The following ARID3A variants were observed in gnomAD, a reference collection of about 807,000 sequenced individuals.
ARID3A encodes the protein AT-rich interaction domain 3A.
A neutral mutation model predicts 52.7 loss-of-function variants in ARID3A; 11 were observed. That is an observed-to-expected ratio of 0.21 (90% CI 0.13 to 0.35). The LOEUF (loss-of-function observed/expected upper bound fraction) is 0.35, where lower values mean the gene tolerates loss of function less well. Ranked by LOEUF, ARID3A falls within the 10% of genes least tolerant of loss-of-function variation. ARID3A has a pLI of 1.00. For synonymous variants in ARID3A, 404 were observed against 359.4 expected (o/e 1.12, Z -1.40); for missense variants, 721 against 838.5 (o/e 0.86, Z 1.73).
intron 3 of ARID3A, among the ~76,000 whole-genome samples, chr19:954,694 T>A (rs1210745104): frequency 1.3e-5 from 2 of 151,938 alleles, no homozygotes; most frequent in Non-Finnish European, 2.9e-5. Context: ...GGAGGTGATA[T>A]CGGTCCTGGG....
In ARID3A at chr19:941,919, C is replaced by T. The variant is rs1235923468; in HGVS notation, c.693+9177C>T. ...TGTGCGCACGTGTGCCCGTGACAGA[C>T]GACCTTCCTGTGTGCCTGAGCATTT... On this transcript the variant is annotated intron_variant, in intron 3 of 8. Transcript: ENST00000263620. The surrounding 1 kb of genome is among the most constrained non-coding windows in gnomAD (Gnocchi z 6.9). Among the ~76,000 whole-genome samples the T allele has an allele frequency of 2.6e-5, 4 of 152,020 alleles. No individual in the cohort carries two copies. Among genetic ancestry groups the T allele is most frequent in the African/African-American group, 4.8e-5 (2 of 41,374 alleles).
At position 972,419 on chromosome 19, in the gene ARID3A, G is replaced by A. The variant is rs573780031; in HGVS notation, c.*354G>A. On this transcript the variant is annotated 3_prime_UTR_variant, in exon 9 of 9. Transcript: ENST00000263620. ...GGCGTTCAGGCAGCCCTGATGGACC[G>A]AAGGCTCTGGTGTCTGGTTTGGCCC... 4.5e-4 allele frequency: 97 copies of A among 215,354 alleles called. No individual in the cohort carries two copies. The East Asian group carries it at 5.9e-3, about 13-fold the overall frequency. The allele number at this position is 215,354 out of a possible 1,614,324, so 13.3% of individuals were successfully genotyped here. A position where few individuals can be genotyped will look rare whatever the true frequency, so the allele number is the denominator to read the frequency against.
At chr19:963,058 G>A (rs2038076585) in intron 4 of ARID3A, among the ~76,000 whole-genome samples, 1 of 152,222 alleles carries the variant, frequency 6.6e-6, no homozygotes, top group South Asian at 2.1e-4. Context: ...AAGTGGCGGA[G>A]GGTGGTGGGA....
At chr19:967,045 G>C (rs899489256) in intron 7 of ARID3A, among the ~76,000 whole-genome samples, 177 bp downstream of exon 7, 2 of 151,824 alleles carry the variant, frequency 1.3e-5, no homozygotes, top group Admixed American at 1.3e-4. Context: ...ATCACTTGAG[G>C]TCAGGAGTTC....
Position 942,626 on chromosome 19 carries a change from G to A in ARID3A, c.693+9884G>A, listed in dbSNP as rs1376209604. On this transcript the variant is annotated intron_variant, in intron 3 of 8. Coordinates refer to ENST00000263620, the MANE Select transcript of ARID3A (RefSeq NM_005224.3). This position sits in a 1 kb window ranked among gnomAD's most constrained non-coding sequence, Gnocchi z 8.1. ...GGCTGGGGGTCCGTGGGCACAGGTG[G>A]GTGGGCAGGGAGTAGGTGGAGGCCG... Among the ~76,000 whole-genome samples, 2 of 152,202 alleles carry A rather than the reference G, an allele frequency of 1.3e-5. No individual in the cohort carries two copies. Among genetic ancestry groups the A allele is most frequent in the Non-Finnish European group, 1.5e-5 (1 of 68,038 alleles).
chr19:964,537 G>T lies in ARID3A; in HGVS notation c.950+106G>T, dbSNP rs1419463524. On this transcript the variant is annotated intron_variant, in intron 5 of 8. Coordinates refer to ENST00000263620, the MANE Select transcript of ARID3A (RefSeq NM_005224.3). This position sits in a 1 kb window ranked among gnomAD's most constrained non-coding sequence, Gnocchi z 5.7. Reference sequence around the variant, plus strand: ...GGTGGTGGGCAGCTGCAGAGGAGGGGGCAGTGGGCAGCCGCAAAGGGCACA... The same window carrying T: ...GGTGGTGGGCAGCTGCAGAGGAGGGTGCAGTGGGCAGCCGCAAAGGGCACA... The T allele has an allele frequency of 6.4e-6, 9 of 1,404,624 alleles. No individual in the cohort carries two copies. The highest frequency in any genetic ancestry group is 8.5e-6 in the Non-Finnish European group (9 of 1,052,762). The allele number at this position is 1,404,624 out of a possible 1,614,324, so 87.0% of individuals were successfully genotyped here.
At position 941,017 on chromosome 19, in the gene ARID3A, C is replaced by T. The variant is rs1377943348; in HGVS notation, c.693+8275C>T. Among the ~76,000 whole-genome samples the T allele has an allele frequency of 3.9e-5, 6 of 152,048 alleles. No homozygotes were observed. The highest frequency in any genetic ancestry group is 7.4e-5 in the Non-Finnish European group (5 of 67,990). On this transcript the variant is annotated intron_variant, in intron 3 of 8. Coordinates refer to ENST00000263620, the MANE Select transcript of ARID3A (RefSeq NM_005224.3). The surrounding 1 kb of genome is among the most constrained non-coding windows in gnomAD (Gnocchi z 6.9). The stretch of plus-strand genomic sequence containing the variant: ...CCGGAAGAGCCTTATCTGGCCCCTG[C>T]GCCACCGCCTGGCCGTCGGGTCACC...
intron 7 of ARID3A, among the ~76,000 whole-genome samples, chr19:967,712 CAG>C (rs1328641063): frequency 2.0e-5 from 3 of 152,162 alleles, no homozygotes; most frequent in Non-Finnish European, 4.4e-5. Flanking sequence ...GCGAGACAGA[CAG>C]AAAACAGAAC....
In ARID3A at chr19:929,363, G is replaced by GCGCC; in HGVS notation, c.-165_-164insGCCC. 7.7e-6 allele frequency: 2 copies of GCGCC among 259,262 alleles called. No individual in the cohort carries two copies. The highest frequency in any genetic ancestry group is 1.2e-4 in the South Asian group (1 of 8,340). The allele number at this position is 259,262 out of a possible 1,614,324, so 16.1% of individuals were successfully genotyped here. A position where few individuals can be genotyped will look rare whatever the true frequency, so the allele number is the denominator to read the frequency against. ...ATCAGCCTTCAGCTTGAGCCCGGCG[G>GCGCC]CCCCCGCCCCCGCCCCCTGCCACCC... On this transcript the variant is annotated 5_prime_UTR_variant, in exon 2 of 9. Transcript: ENST00000263620. The surrounding 1 kb of genome is among the most constrained non-coding windows in gnomAD (Gnocchi z 6.2).
At chr19:943,989 G>A (rs935041613) in intron 3 of ARID3A, among the ~76,000 whole-genome samples, 9 of 150,962 alleles carry the variant, frequency 6.0e-5, no homozygotes, top group East Asian at 5.9e-4. Context: ...ATGCCAGCCC[G>A]ACCCTCTCAT....
intron 8 of ARID3A, among the ~76,000 whole-genome samples, chr19:969,099 T>C (rs571299532): frequency 2.6e-5 from 4 of 152,140 alleles, no homozygotes; most frequent in Non-Finnish European, 5.9e-5. Flanking sequence ...AAAAATTTAA[T>C]GAATGTATTT....
Position 941,779 on chromosome 19 carries a change from CTGTGTGTGTGTG to C in ARID3A, c.693+9055_693+9066del, listed in dbSNP as rs34643064. On this transcript the variant is annotated intron_variant, in intron 3 of 8. Transcript: ENST00000263620. This position sits in a 1 kb window ranked among gnomAD's most constrained non-coding sequence, Gnocchi z 6.9. ...TCTCTTGTGTTTTGTGTGGATGTGG[CTGTGTGTGTGTG>C]TGTGTGTGTGTGTGTGTCAGGGGTG... 2.7e-5 allele frequency among the ~76,000 whole-genome samples: 4 copies of C among 146,166 alleles called. No individual in the cohort carries two copies. The highest frequency in any genetic ancestry group is 3.0e-5 in the Non-Finnish European group (2 of 66,206).
rs2038301046 is a variant in ARID3A at position 972,531 on chromosome 19, T to C, written c.*466T>C. 1 of 217,392 alleles carries C rather than the reference T, an allele frequency of 4.6e-6. No individual in the cohort carries two copies. 13.5% of individuals were successfully genotyped at this position (217,392 alleles called of 1,614,324 possible). On this transcript the variant is annotated 3_prime_UTR_variant, in exon 9 of 9. Transcript: ENST00000263620. ...TGTCTGCTTTAGTTCTCTTTTATTTTCTATTCACCACACACTCACCACTCC... is the reference window on the plus strand; with the variant it reads ...TGTCTGCTTTAGTTCTCTTTTATTTCCTATTCACCACACACTCACCACTCC...
chr19:970,467 A>G (rs1229667726), intron 8 of ARID3A, among the ~76,000 whole-genome samples: 1 of 151,624 alleles, frequency 6.6e-6, no homozygotes, highest in African/African-American at 2.4e-5. Flanking sequence ...CCCCATCTCT[A>G]CAAAAGAACA....
intron 4 of ARID3A, among the ~76,000 whole-genome samples, chr19:962,242 T>C (rs549387541): frequency 8.2e-4 from 125 of 152,200 alleles, no homozygotes; most frequent in Admixed American, 2.0e-3. Flanking sequence ...ATTTTTTTTT[T>C]CCCCTGTGTC....
chr19:943,282 A>G (rs1331189235), intron 3 of ARID3A, among the ~76,000 whole-genome samples: 1 of 151,726 alleles, frequency 6.6e-6, no homozygotes, highest in Non-Finnish European at 1.5e-5. Flanking sequence ...AAAAAAAAAA[A>G]AAGGACGGGC....
At chr19:945,667 G>A (rs2037662057) in intron 3 of ARID3A, among the ~76,000 whole-genome samples, 1 of 152,186 alleles carries the variant, frequency 6.6e-6, no homozygotes, top group Non-Finnish European at 1.5e-5. Flanking sequence ...CTCTAGGGTG[G>A]GAGGTGGAAG....
In ARID3A at chr19:972,119, G is replaced by A. The variant is rs2038289874; in HGVS notation, c.*54G>A. 1.4e-6 allele frequency: 2 copies of A among 1,460,618 alleles called. No homozygotes were observed. Among genetic ancestry groups the A allele is most frequent in the South Asian group, 2.7e-5 (2 of 73,326 alleles). The allele number at this position is 1,460,618 out of a possible 1,614,324, so 90.5% of individuals were successfully genotyped here. A position where few individuals can be genotyped will look rare whatever the true frequency, so the allele number is the denominator to read the frequency against. ...CTGGAGCCCGCCGGCCTGGGCAGGG[G>A]GTCCAGGTGGGCCACACAGGGGCCA... On this transcript the variant is annotated 3_prime_UTR_variant, in exon 9 of 9. Transcript: ENST00000263620.
At chr19:936,442 C>T (rs1294210326) in intron 3 of ARID3A, among the ~76,000 whole-genome samples, 1 of 151,594 alleles carries the variant, frequency 6.6e-6, no homozygotes, top group Non-Finnish European at 1.5e-5. Context: ...TACTTGGGAC[C>T]CTGAGGTGGG....
Sources: allele counts gnomAD v4.1 joint callset (sites outside exome capture counted in the v4.1 genomes callset), GRCh38; gene constraint gnomAD v4.1.1; non-coding constraint Gnocchi (gnomAD v3.1); transcripts MANE v1.5; gene names NCBI Gene and HGNC (gene_info 2026-07-23, HGNC 2026-07-21).